GRIA4: variants seen among roughly 807,000 people sequenced by gnomAD.
GRIA4 encodes the protein glutamate receptor 4.
A neutral mutation model predicts 104.0 loss-of-function variants in GRIA4; 34 were observed. The observed-to-expected ratio is 0.33, with a 90% CI of 0.25 to 0.44. GRIA4 has a LOEUF of 0.44. Among genes scored for constraint, GRIA4 ranks in the 20% least tolerant of loss-of-function variants. The pLI, the probability that GRIA4 is intolerant of heterozygous loss-of-function variation, is 1.00. For synonymous variants in GRIA4, 386 were observed against 381.9 expected, an observed-to-expected ratio of 1.01 and a Z score of -0.13; for missense variants, 750 against 1,096.5, an observed-to-expected ratio of 0.68 and a Z score of 4.46.
chr11:105,612,361 G>A lies in GRIA4; in HGVS notation c.174G>A (p.Ser58=), dbSNP rs752871049. ...TTCATAACACCAGCCCCAATGCGTC[G>A]GAAGCTCCTTTTAATTTGGTACCTC... The part of the protein sequence containing the change: ...IFLHNTSPNA[S]EAPFNLVPHV... Residue 58 remains serine, a synonymous_variant, in exon 3 of 17, where the codon TCG becomes TCA. Transcript: ENST00000282499. 5.0e-6 allele frequency: 8 copies of A among 1,613,924 alleles called. No homozygotes were observed. Among genetic ancestry groups the A allele is most frequent in the East Asian group, 2.2e-5 (1 of 44,876 alleles).
chr11:105,650,488 C>G (rs890304460), intron 3 of GRIA4, among the ~76,000 whole-genome samples: 1 of 151,342 alleles, frequency 6.6e-6, no homozygotes, highest in Non-Finnish European at 1.5e-5. Flanking sequence ...ATGTAACAAC[C>G]AAGAGTCTGA....
At chr11:105,861,014 T>C (rs567855322) in intron 4 of GRIA4, among the ~76,000 whole-genome samples, 1 of 150,768 alleles carries the variant, frequency 6.6e-6, no homozygotes, top group South Asian at 2.1e-4. Context: ...CAAGACAATA[T>C]TGGCCTGAAG....
intron 13 of GRIA4, among the ~76,000 whole-genome samples, chr11:105,928,917 A>G (rs1947794813): frequency 2.6e-5 from 4 of 152,074 alleles, no homozygotes; most frequent in South Asian, 4.1e-4. Flanking sequence ...TGCTTCCTAG[A>G]TTTATAGTCT....
chr11:105,955,140 TCTC>T (rs1258403469), intron 14 of GRIA4, among the ~76,000 whole-genome samples: 2 of 152,126 alleles, frequency 1.3e-5, no homozygotes, highest in Non-Finnish European at 2.9e-5. Flanking sequence ...ATTCTTTTTT[TCTC>T]CTTTTTTAAA....
At chr11:105,874,164 G>A (rs189929299) in intron 5 of GRIA4, among the ~76,000 whole-genome samples, 186 of 152,106 alleles carry the variant, frequency 1.2e-3, no homozygotes, top group Middle Eastern at 3.4e-3. Flanking sequence ...CACCATTTAT[G>A]GAATAGGAGA....
chr11:105,935,788 G>A (rs936756556), intron 14 of GRIA4, among the ~76,000 whole-genome samples: 1 of 152,084 alleles, frequency 6.6e-6, no homozygotes, highest in African/African-American at 2.4e-5. Flanking sequence ...TCCCATTAAT[G>A]GCAAGAGAGT....
In GRIA4 at chr11:105,700,041, A is replaced by T. The variant is rs558955627; in HGVS notation, c.248-52940A>T. Among the ~76,000 whole-genome samples, 8 of 152,358 alleles carry T rather than the reference A, an allele frequency of 5.3e-5. No individual in the cohort carries two copies. The South Asian group carries it at 1.7e-3, about 32-fold the overall frequency. On this transcript the variant is annotated intron_variant, in intron 3 of 16. Transcript: ENST00000282499. ...CAATAAATATTTGTCAATTGAATAA[A>T]TATCTATGGTAAATCCACACATATT...
chr11:105,666,229 A>C (rs1328942613), intron 3 of GRIA4, among the ~76,000 whole-genome samples: 2 of 151,992 alleles, frequency 1.3e-5, no homozygotes, highest in African/African-American at 4.8e-5. Flanking sequence ...TAATTTATAA[A>C]TTTCTATTGA....
chr11:105,654,014 A>AG (rs1951765336), intron 3 of GRIA4, among the ~76,000 whole-genome samples: 1 of 148,814 alleles, frequency 6.7e-6, no homozygotes, highest in Non-Finnish European at 1.5e-5. Flanking sequence ...AAAAAAAAAA[A>AG]AAAAAAAAAA....
chr11:105,650,550 T>C (rs991342476), intron 3 of GRIA4, among the ~76,000 whole-genome samples: 9 of 152,190 alleles, frequency 5.9e-5, no homozygotes, highest in Non-Finnish European at 1.5e-5. Context: ...CCTAAAACTC[T>C]TGAACACATC....
intron 5 of GRIA4, among the ~76,000 whole-genome samples, chr11:105,865,855 G>A (rs1945385532): frequency 6.6e-6 from 1 of 152,090 alleles, no homozygotes; most frequent in Admixed American, 6.6e-5. Context: ...GAGCAAAATG[G>A]CACTTAAGGC....
chr11:105,765,654 A>C (rs1331771313), intron 4 of GRIA4, among the ~76,000 whole-genome samples: 2 of 152,214 alleles, frequency 1.3e-5, no homozygotes, highest in Non-Finnish European at 2.9e-5. Flanking sequence ...AGCTAACTAC[A>C]GCCTGTGGAC....
intron 4 of GRIA4, among the ~76,000 whole-genome samples, chr11:105,783,780 GTGTGTGTA>G (rs764998379): frequency 3.8e-5 from 5 of 130,784 alleles, no homozygotes; most frequent in Non-Finnish European, 6.8e-5. Context: ...GTGTGTGTGT[GTGTGTGTA>G]TGTGTATGAG....
intron 3 of GRIA4, among the ~76,000 whole-genome samples, chr11:105,700,556 A>G (rs894814265): frequency 1.3e-5 from 2 of 152,150 alleles, no homozygotes; most frequent in African/African-American, 4.8e-5. Flanking sequence ...CCTGCATTGC[A>G]TCTTTTTTCT....
intron 4 of GRIA4, among the ~76,000 whole-genome samples, chr11:105,803,861 A>AAAG (rs1555012818): frequency 1.4e-5 from 2 of 147,052 alleles, no homozygotes; most frequent in African/African-American, 2.5e-5. Flanking sequence ...AAAAAAAAAA[A>AAAG]AGAGAGAGAG....
At chr11:105,879,461 G>A (rs902299975) in intron 5 of GRIA4, among the ~76,000 whole-genome samples, 1 of 152,102 alleles carries the variant, frequency 6.6e-6, no homozygotes, top group South Asian at 2.1e-4. Context: ...TACATGAACT[G>A]TCATTTTCAA....
intron 5 of GRIA4, among the ~76,000 whole-genome samples, chr11:105,885,062 G>A (rs1296754530): frequency 6.6e-6 from 1 of 152,054 alleles, no homozygotes. Context: ...GATAAATAAC[G>A]GATTGCTGAG....
chr11:105,624,345 G>A (rs1206956026), intron 3 of GRIA4, among the ~76,000 whole-genome samples: 1 of 152,088 alleles, frequency 6.6e-6, no homozygotes, highest in Non-Finnish European at 1.5e-5. Flanking sequence ...TTTCAAAGTA[G>A]GAGAAAGCCC....
intron 4 of GRIA4, among the ~76,000 whole-genome samples, chr11:105,805,241 G>C (rs1942897605): frequency 6.6e-6 from 1 of 151,656 alleles, no homozygotes; most frequent in South Asian, 2.1e-4. Flanking sequence ...CTGTTCTACA[G>C]ACACTCAGTA....
Sources: allele counts gnomAD v4.1 joint callset (sites outside exome capture counted in the v4.1 genomes callset), GRCh38; gene constraint gnomAD v4.1.1; transcripts MANE v1.5; gene names NCBI Gene and HGNC (gene_info 2026-07-23, HGNC 2026-07-21).